DEPDC5: variants seen among roughly 807,000 people sequenced by gnomAD.
DEPDC5 encodes the protein GATOR1 complex protein DEPDC5.
DEPDC5 carries 73 observed loss-of-function variants against 217.3 expected under a neutral mutation model. The ratio of observed to expected loss-of-function variants is 0.34; its 90% CI spans 0.28 to 0.41. DEPDC5 has a LOEUF of 0.41. Ranked by LOEUF, DEPDC5 falls within the 10% of genes least tolerant of loss-of-function variation. DEPDC5 has a pLI of 1.00. For missense variants in DEPDC5, 1,675 were observed against 2,070.1 expected, an observed-to-expected ratio of 0.81 and a Z score of 3.70; for synonymous variants, 733 against 756.7, an observed-to-expected ratio of 0.97 and a Z score of 0.51.
rs774596295 is a variant in DEPDC5, at chr22:31,838,814, C to T, written c.2484C>T (p.Pro828=). The change falls in exon 27 of 43, where the codon CCC becomes CCT. Residue 828 remains proline, a synonymous_variant. Transcript: ENST00000651528. Reference sequence around the variant, plus strand: ...AGAAACCCAATCCTGCTGTCCCGCCCCCGCTGAGCAGTAGCCCACTCTATA... The same window carrying T: ...AGAAACCCAATCCTGCTGTCCCGCCTCCGCTGAGCAGTAGCCCACTCTATA... ...KTQKPNPAVP[P]PLSSSPLYSR... is the part of the protein sequence containing the mutation. The T allele has an allele frequency of 6.2e-7, 1 of 1,614,082 alleles. No individual in the cohort carries two copies. Among genetic ancestry groups the T allele is most frequent in the East Asian group, 2.2e-5 (1 of 44,878 alleles).
At chr22:31,823,028 G>A (rs1363937065) in intron 24 of DEPDC5, 2 of 459,564 alleles carry the variant, frequency 4.4e-6, no homozygotes, top group Non-Finnish European at 8.1e-6. Flanking sequence ...CTGTCACAGA[G>A]TTGTGATTGA....
intron 8 of DEPDC5, among the ~76,000 whole-genome samples, chr22:31,778,444 G>GCATCACTGCACTCCAGCCTGGGCAA (rs1171278802): frequency 2.6e-5 from 4 of 152,038 alleles, no homozygotes; most frequent in African/African-American, 4.8e-5. Flanking sequence ...GGTCATGATT[G>GCATCACTGCACTCCAGCCTGGGCAA]CATCACTGCA....
chr22:31,783,795 A>G, intron 8 of DEPDC5, 112 bp from the exon 9 acceptor site: 2 of 838,272 alleles, frequency 2.4e-6, no homozygotes, highest in Non-Finnish European at 3.7e-6. Context: ...ATAGTTCAAT[A>G]GTGTTAAGAA....
chr22:31,754,637 C>T (rs1432963826), intron 1 of DEPDC5, among the ~76,000 whole-genome samples: 2 of 152,232 alleles, frequency 1.3e-5, no homozygotes, highest in African/African-American at 4.8e-5. Context: ...AATATCTTCT[C>T]CTAGGTTTGA....
intron 15 of DEPDC5, among the ~76,000 whole-genome samples, chr22:31,803,251 C>T (rs1288588289): frequency 1.3e-5 from 2 of 151,814 alleles, no homozygotes; most frequent in African/African-American, 2.4e-5. Flanking sequence ...CGCTCTGTCT[C>T]CCAGGCTGGA....
intron 20 of DEPDC5, among the ~76,000 whole-genome samples, chr22:31,810,864 C>T (rs762917188): frequency 1.3e-5 from 2 of 151,844 alleles, no homozygotes; most frequent in Non-Finnish European, 2.9e-5. Flanking sequence ...CAACCTTGAC[C>T]TCCTGGGTTC....
chr22:31,895,933 C>G (rs977529026), intron 39 of DEPDC5, among the ~76,000 whole-genome samples: 1 of 151,856 alleles, frequency 6.6e-6, no homozygotes, highest in African/African-American at 2.4e-5. Context: ...CTCACTGATA[C>G]CAGCATGACC....
chr22:31,883,266 C>A (rs1258664185), intron 38 of DEPDC5, among the ~76,000 whole-genome samples: 7 of 152,156 alleles, frequency 4.6e-5, no homozygotes, highest in African/African-American at 1.7e-4. Context: ...AGAGCAAAAC[C>A]TGAGAGGCTT....
chr22:31,893,115 C>CTGCTTG (rs1251762474), intron 38 of DEPDC5, among the ~76,000 whole-genome samples: 2 of 152,028 alleles, frequency 1.3e-5, no homozygotes, highest in Non-Finnish European at 2.9e-5. Context: ...ACCTCGTGAT[C>CTGCTTG]TGCTTGCGTC....
In DEPDC5 at chr22:31,819,027, C is replaced by T. The variant is rs2089432768; in HGVS notation, c.1672C>T (p.Leu558=). The T allele has an allele frequency of 1.5e-5, 24 of 1,614,008 alleles. No homozygotes were observed. Among genetic ancestry groups the T allele is most frequent in the African/African-American group, 2.7e-5 (2 of 74,916 alleles). Residue 558 remains leucine (L), a synonymous_variant, in exon 22 of 43, where the codon CTG becomes TTG. Transcript: ENST00000651528. ...SLGYTSTRDV[L]ENMMEPPQRD... ...AACTCCATGATAACTGGCAGATGTCCTGGAGAACATGATGGAGCCACCACA... is the reference window on the plus strand; with the variant it reads ...AACTCCATGATAACTGGCAGATGTCTTGGAGAACATGATGGAGCCACCACA...
At chr22:31,795,448 C>T (rs1437338021) in intron 12 of DEPDC5, among the ~76,000 whole-genome samples, 1 of 152,000 alleles carries the variant, frequency 6.6e-6, no homozygotes, top group Non-Finnish European at 1.5e-5. Context: ...GGCTGGAGTG[C>T]AGTGGTGCAA....
chr22:31,867,667 C>G (rs944378863), intron 33 of DEPDC5, among the ~76,000 whole-genome samples: 3 of 152,188 alleles, frequency 2.0e-5, no homozygotes, highest in African/African-American at 4.8e-5. Flanking sequence ...CTTTCTTACT[C>G]AAAGTTGAGT....
chr22:31,804,392 T>C (rs559788446), intron 16 of DEPDC5, among the ~76,000 whole-genome samples, 169 bp downstream of exon 16: 1 of 152,168 alleles, frequency 6.6e-6, no homozygotes, highest in Non-Finnish European at 1.5e-5. Flanking sequence ...AACATGCCTA[T>C]GAATAACCAC....
chr22:31,836,884 C>G, intron 25 of DEPDC5, 88 bp from the exon 26 acceptor site: 1 of 1,233,640 alleles, frequency 8.1e-7, no homozygotes, highest in Non-Finnish European at 1.1e-6. Flanking sequence ...TTTTTCCCCA[C>G]TCTTCCCTCC....
intron 24 of DEPDC5, among the ~76,000 whole-genome samples, chr22:31,824,398 G>A (rs1258648725): frequency 6.6e-6 from 1 of 152,016 alleles, no homozygotes; most frequent in Non-Finnish European, 1.5e-5. Flanking sequence ...TATCAAATTG[G>A]TTGATGATAT....
intron 38 of DEPDC5, among the ~76,000 whole-genome samples, chr22:31,885,942 G>A (rs545328018): frequency 6.0e-5 from 9 of 151,222 alleles, no homozygotes; most frequent in Admixed American, 4.6e-4. Context: ...GCTGAGGCAG[G>A]AGAATCTCTT....
chr22:31,787,404 A>G (rs2085117847), intron 10 of DEPDC5, among the ~76,000 whole-genome samples: 1 of 152,154 alleles, frequency 6.6e-6, no homozygotes, highest in African/African-American at 2.4e-5. Flanking sequence ...ATAACCTTGA[A>G]TTTGGCAGTG....
intron 31 of DEPDC5, among the ~76,000 whole-genome samples, chr22:31,849,158 GTCT>G (rs371975553): frequency 9.9e-5 from 15 of 152,094 alleles, no homozygotes; most frequent in African/African-American, 3.4e-4. Context: ...ACATTTTCCT[GTCT>G]TCTTCTGAGC....
chr22:31,840,489 T>G (rs777216899), intron 27 of DEPDC5, among the ~76,000 whole-genome samples: 2 of 152,176 alleles, frequency 1.3e-5, no homozygotes, highest in African/African-American at 4.8e-5. Flanking sequence ...AGTAATAAGA[T>G]GAATTCACCT....
Sources: allele counts gnomAD v4.1 joint callset (sites outside exome capture counted in the v4.1 genomes callset), GRCh38; gene constraint gnomAD v4.1.1; transcripts MANE v1.5; gene names NCBI Gene and HGNC (gene_info 2026-07-23, HGNC 2026-07-21).